Variants in KHDRBS3 observed in about 807,000 individuals in gnomAD.
KHDRBS3 encodes the protein KH RNA binding domain containing, signal transduction associated 3.
In KHDRBS3, 23 loss-of-function variants were observed where a neutral mutation model predicts 45.6. That is an observed-to-expected ratio of 0.50 (90% CI 0.36 to 0.72). KHDRBS3 has a LOEUF of 0.72. Among genes scored for constraint, KHDRBS3 ranks in the 30% least tolerant of loss-of-function variants. The probability of loss-of-function intolerance (pLI) is 0.00; values close to 1 mark genes in which losing one functional copy is unlikely to be tolerated. For synonymous variants in KHDRBS3, 162 were observed against 156.5 expected, an observed-to-expected ratio of 1.04 and a Z score of -0.26; for missense variants, 352 against 424.8, an observed-to-expected ratio of 0.83 and a Z score of 1.51.
At chr8:135,523,384 C>T (rs1037653541) in intron 2 of KHDRBS3, among the ~76,000 whole-genome samples, 2 of 151,816 alleles carry the variant, frequency 1.3e-5, no homozygotes, top group East Asian at 1.9e-4. Flanking sequence ...TTGACACTAT[C>T]GTAAATTGAA....
intron 6 of KHDRBS3, among the ~76,000 whole-genome samples, chr8:135,605,354 C>T (rs1417428456): frequency 6.6e-6 from 1 of 152,008 alleles, no homozygotes; most frequent in Non-Finnish European, 1.5e-5. Flanking sequence ...ACTGGATTTT[C>T]TCCACTCATC....
intron 7 of KHDRBS3, among the ~76,000 whole-genome samples, chr8:135,633,139 A>G (rs190592198): frequency 2.6e-5 from 4 of 152,324 alleles, no homozygotes; most frequent in East Asian, 1.9e-4. Flanking sequence ...AGACAGCTCC[A>G]TGAAAGTAGT....
intron 1 of KHDRBS3, among the ~76,000 whole-genome samples, chr8:135,460,933 T>C (rs1166610158): frequency 1.3e-5 from 2 of 152,226 alleles, no homozygotes; most frequent in Non-Finnish European, 1.5e-5. Context: ...TTTTCTTTCT[T>C]GAGCTAGGAT....
chr8:135,643,993 A>G (rs900752718), intron 7 of KHDRBS3, among the ~76,000 whole-genome samples: 4 of 152,194 alleles, frequency 2.6e-5, no homozygotes, highest in African/African-American at 9.7e-5. Flanking sequence ...TCTTGATTGT[A>G]TGAAATTGGA....
chr8:135,530,846 A>G (rs1404958845), intron 2 of KHDRBS3, among the ~76,000 whole-genome samples: 2 of 152,094 alleles, frequency 1.3e-5, no homozygotes, highest in Non-Finnish European at 2.9e-5. Context: ...TACTTTCTAA[A>G]TTATCATCTA....
chr8:135,564,394 A>G (rs1019146291), intron 5 of KHDRBS3, among the ~76,000 whole-genome samples: 1 of 152,312 alleles, frequency 6.6e-6, no homozygotes, highest in South Asian at 2.1e-4. Context: ...ATTTCCTTTC[A>G]ATTATGATAC....
chr8:135,573,040 A>G (rs898020978), intron 5 of KHDRBS3, among the ~76,000 whole-genome samples: 2 of 152,180 alleles, frequency 1.3e-5, no homozygotes, highest in African/African-American at 2.4e-5. Flanking sequence ...ACAGACCTCA[A>G]ATGGATCTCT....
chr8:135,603,094 C>T (rs1308071994), intron 6 of KHDRBS3, among the ~76,000 whole-genome samples: 1 of 152,124 alleles, frequency 6.6e-6, no homozygotes, highest in Non-Finnish European at 1.5e-5. Flanking sequence ...AATTTTCTTC[C>T]ACTTTTCTCT....
chr8:135,521,956 A>T (rs1469230503), intron 2 of KHDRBS3, among the ~76,000 whole-genome samples: 1 of 151,754 alleles, frequency 6.6e-6, no homozygotes, highest in African/African-American at 2.4e-5. Flanking sequence ...TCTTTTTTTA[A>T]CGTTGTATTT....
intron 1 of KHDRBS3, among the ~76,000 whole-genome samples, chr8:135,501,885 C>T (rs1021318874): frequency 6.6e-6 from 1 of 152,234 alleles, no homozygotes; most frequent in Non-Finnish European, 1.5e-5. Flanking sequence ...GGCCTTATAA[C>T]GTATGAATTC....
chr8:135,511,801 G>A (rs957721799), intron 1 of KHDRBS3, among the ~76,000 whole-genome samples: 8 of 151,966 alleles, frequency 5.3e-5, no homozygotes, highest in South Asian at 4.2e-4. Context: ...CTCGTAATCC[G>A]CCCGTCTCGG....
chr8:135,604,351 G>T (rs1484238924), intron 6 of KHDRBS3, among the ~76,000 whole-genome samples: 4 of 151,894 alleles, frequency 2.6e-5, no homozygotes, highest in Non-Finnish European at 5.9e-5. Flanking sequence ...CATGTGGTTG[G>T]ATCATTTTTC....
chr8:135,490,132 C>T (rs1237961993), intron 1 of KHDRBS3, among the ~76,000 whole-genome samples: 3 of 152,052 alleles, frequency 2.0e-5, no homozygotes, highest in Admixed American at 6.5e-5. Context: ...GTGGACTGTA[C>T]CCCTAGGTGT....
At chr8:135,458,241 G>A (rs568761832) in intron 1 of KHDRBS3, 4 of 1,174,494 alleles carry the variant, frequency 3.4e-6, no homozygotes, top group Middle Eastern at 2.2e-4. Context: ...ACTTCTGGGT[G>A]GGGGACAGCG....
At chr8:135,478,807 TAA>T (rs1268131591) in intron 1 of KHDRBS3, among the ~76,000 whole-genome samples, 8 of 152,158 alleles carry the variant, frequency 5.3e-5, no homozygotes, top group Non-Finnish European at 1.0e-4. Context: ...TGTCAAAACT[TAA>T]GAGATACAAC....
At chr8:135,648,903 G>C (rs1831373724), downstream of KHDRBS3, among the ~76,000 whole-genome samples, 1 of 151,922 alleles carries the variant, frequency 6.6e-6, no homozygotes, top group Admixed American at 6.6e-5. Flanking sequence ...AAAAATTCCA[G>C]ATTATTCAGT....
At chr8:135,503,295 G>T (rs1306703621) in intron 1 of KHDRBS3, among the ~76,000 whole-genome samples, 2 of 152,184 alleles carry the variant, frequency 1.3e-5, no homozygotes, top group Non-Finnish European at 2.9e-5. Flanking sequence ...CTGCTTTAGG[G>T]AAACTGCTTT....
chr8:135,499,092 T>C (rs1037655111), intron 1 of KHDRBS3, among the ~76,000 whole-genome samples: 2 of 152,098 alleles, frequency 1.3e-5, no homozygotes, highest in African/African-American at 4.8e-5. Flanking sequence ...ATTATACAGG[T>C]AAAAGAGGTG....
At chr8:135,556,526 G>A (rs1322953327) in intron 4 of KHDRBS3, among the ~76,000 whole-genome samples, 1 of 152,066 alleles carries the variant, frequency 6.6e-6, no homozygotes, top group Admixed American at 6.5e-5. Context: ...CTGCATAAAT[G>A]TCTTCTTTTG....
Sources: allele counts gnomAD v4.1 joint callset (sites outside exome capture counted in the v4.1 genomes callset), GRCh38; gene constraint gnomAD v4.1.1; transcripts MANE v1.5; gene names NCBI Gene and HGNC (gene_info 2026-07-23, HGNC 2026-07-21).